The following MTDH variants were observed in gnomAD, a reference collection of about 807,000 sequenced individuals.
The protein encoded by MTDH is metadherin, also known as protein LYRIC.
Under a neutral mutation model 72.7 loss-of-function variants are expected in MTDH, and 34 were observed. The ratio of observed to expected loss-of-function variants is 0.47; its 90% CI spans 0.36 to 0.62. The LOEUF is 0.62. Ranked by LOEUF, MTDH falls within the 20% of genes least tolerant of loss-of-function variation. The pLI is 0.00. For missense variants in MTDH, 677 were observed against 699.4 expected (o/e 0.97, Z 0.36); for synonymous variants, 266 against 268.9 (o/e 0.99, Z 0.10).
rs866588491 is a variant in MTDH, at chr8:97,693,258, A to C, written c.1048+2070A>C. Among the ~76,000 whole-genome samples, 7 of 152,250 alleles carry C rather than the reference A, an allele frequency of 4.6e-5. 1 individual carries two copies. Among genetic ancestry groups the C allele is most frequent in the African/African-American group, 1.2e-4 (5 of 41,538 alleles). On this transcript the variant is annotated intron_variant, in intron 6 of 11. Transcript: ENST00000336273. ...AATTCGATAAGCAAAAAGTACGTAA[A>C]TTATTTTGGTTAACTTTTTGAAATC...
rs1815335345 is a variant in MTDH, at chr8:97,725,982, T to C, written c.*1312T>C. 1.3e-5 allele frequency: 2 copies of C among 152,684 alleles called. No individual in the cohort carries two copies. Among genetic ancestry groups the C allele is most frequent in the South Asian group, 4.1e-4 (2 of 4,836 alleles). 9.5% of individuals were successfully genotyped at this position (152,684 alleles called of 1,614,324 possible). A position where few individuals can be genotyped will look rare whatever the true frequency, so the allele number is the denominator to read the frequency against. ...GAAAAAAAAGCCATGATTTATTCGATGTGATTGGCTTGTTTTTATGTGGCG... is the reference window on the plus strand; with the variant it reads ...GAAAAAAAAGCCATGATTTATTCGACGTGATTGGCTTGTTTTTATGTGGCG... On this transcript the variant is annotated 3_prime_UTR_variant, in exon 12 of 12. Transcript: ENST00000336273.
intron 5 of MTDH, among the ~76,000 whole-genome samples, 169 bp downstream of exon 5, chr8:97,689,272 A>G (rs544746042): frequency 1.1e-4 from 16 of 152,284 alleles, no homozygotes; most frequent in African/African-American, 3.6e-4. Flanking sequence ...AAATAAATAA[A>G]AAGAAAAATC....
chr8:97,662,029 T>C (rs1038284347), intron 2 of MTDH, among the ~76,000 whole-genome samples: 3 of 152,180 alleles, frequency 2.0e-5, no homozygotes, highest in African/African-American at 7.2e-5. Flanking sequence ...CCTGAGATTT[T>C]ATTAATTTTC....
At chr8:97,689,428 A>G (rs1263957985) in intron 5 of MTDH, among the ~76,000 whole-genome samples, 1 of 151,782 alleles carries the variant, frequency 6.6e-6, no homozygotes, top group Non-Finnish European at 1.5e-5. Flanking sequence ...GGTTTAATAT[A>G]GCATATATCG....
intron 1 of MTDH, among the ~76,000 whole-genome samples, chr8:97,654,543 C>T (rs899405405): frequency 6.6e-6 from 1 of 151,352 alleles, no homozygotes; most frequent in African/African-American, 2.4e-5. Context: ...TTCCTAATTT[C>T]TTGCCTTTAT....
At chr8:97,669,721 A>G (rs1812535260) in intron 2 of MTDH, among the ~76,000 whole-genome samples, 2 of 151,752 alleles carry the variant, frequency 1.3e-5, no homozygotes, top group Non-Finnish European at 2.9e-5. Context: ...GTTCGAGACC[A>G]GCCTGGCCAA....
chr8:97,686,725 C>T lies in MTDH; in HGVS notation c.541C>T (p.Arg181Cys), dbSNP rs374847603. 27 of 1,592,694 alleles carry T rather than the reference C, an allele frequency of 1.7e-5. No homozygotes were observed. Among genetic ancestry groups the T allele is most frequent in the African/African-American group, 2.7e-5 (2 of 74,076 alleles). Residue 181 changes from arginine (R) to cysteine (C), a missense_variant, in exon 3 of 12, where the codon CGC becomes TGC. Arg to Cys is a radical substitution (Grantham distance 180). Around this residue, in one of 3 missense-constraint regions of MTDH, gnomAD observed 467 missense variants for 469.1 expected, o/e 1.00. Transcript: ENST00000336273. ...SDAKAVQNSS[R>C]HDGKEVDEGA... ...TGCTAAAGCAGTGCAAAACAGTTCA[C>T]GCCATGATGGAAAGGAAGTTGATGA...
chr8:97,666,144 AAAG>A (rs1482322138), intron 2 of MTDH, among the ~76,000 whole-genome samples: 15 of 152,070 alleles, frequency 9.9e-5, no homozygotes, highest in African/African-American at 3.4e-4. Context: ...AAAAAAAAAA[AAAG>A]ATCTGAATTA....
Position 97,691,169 on chromosome 8 carries a change from T to C in MTDH, c.1029T>C (p.Arg343=). ...ACTGGGGAAGGAGTTGGAGTGACCG[T>C]TCAATATTTTCTGGCATTGGTAAGA... ...GKDWGRSWSD[R]SIFSGIGSTA... is the part of the protein sequence containing the mutation. The change falls in exon 6 of 12, where the codon CGT becomes CGC. Residue 343 remains arginine (R), a synonymous_variant. Coordinates refer to ENST00000336273, the MANE Select transcript of MTDH (RefSeq NM_178812.4). 1 of 1,603,856 alleles carries C rather than the reference T, an allele frequency of 6.2e-7. No homozygotes were observed. The highest frequency in any genetic ancestry group is 8.5e-7 in the Non-Finnish European group (1 of 1,174,540).
chr8:97,654,595 G>C (rs1811895320), intron 1 of MTDH, among the ~76,000 whole-genome samples: 1 of 150,252 alleles, frequency 6.7e-6, no homozygotes, highest in South Asian at 2.1e-4. Flanking sequence ...TGGGATACAT[G>C]TGCGGAATGT....
chr8:97,697,981 G>A (rs1711824577), intron 6 of MTDH, among the ~76,000 whole-genome samples: 1 of 152,054 alleles, frequency 6.6e-6, no homozygotes, highest in Non-Finnish European at 1.5e-5. Context: ...GAATTTTATA[G>A]GGTTACTCTG....
At chr8:97,655,328 T>G (rs891479317) in intron 1 of MTDH, among the ~76,000 whole-genome samples, 1 of 152,228 alleles carries the variant, frequency 6.6e-6, no homozygotes, top group African/African-American at 2.4e-5. Context: ...TTCAAGGTGT[T>G]AAGAGTTCTG....
At chr8:97,677,180 CAA>C (rs71271142) in intron 2 of MTDH, among the ~76,000 whole-genome samples, 75 of 44,098 alleles carry the variant, frequency 1.7e-3, no homozygotes, top group African/African-American at 7.7e-3. Context: ...AAGCCTGTCT[CAA>C]AAAAAAAAAA....
At chr8:97,673,915 C>G (rs560642242) in intron 2 of MTDH, among the ~76,000 whole-genome samples, 5 of 151,956 alleles carry the variant, frequency 3.3e-5, no homozygotes, top group African/African-American at 1.2e-4. Flanking sequence ...GCGGAGGTTG[C>G]AGTGAACCAA....
At chr8:97,722,771 C>A in intron 10 of MTDH, 108 bp from the exon 11 acceptor site, 1 of 1,090,264 alleles carries the variant, frequency 9.2e-7, no homozygotes, top group Non-Finnish European at 1.3e-6. Context: ...ATCTGGAAAC[C>A]ATATTAGTAT....
chr8:97,660,883 TTA>T (rs371936849), intron 1 of MTDH, among the ~76,000 whole-genome samples, 187 bp from the exon 2 acceptor site: 40 of 128,118 alleles, frequency 3.1e-4, no homozygotes, highest in Admixed American at 7.4e-4. Flanking sequence ...CTTATGAATT[TTA>T]TATATATATA....
At chr8:97,683,422 G>T (rs1343895872) in intron 2 of MTDH, among the ~76,000 whole-genome samples, 1 of 151,588 alleles carries the variant, frequency 6.6e-6, no homozygotes, top group Non-Finnish European at 1.5e-5. Context: ...TTGAGACAGG[G>T]TCTCACCCCG....
At chr8:97,660,141 A>G (rs1052034792) in intron 1 of MTDH, among the ~76,000 whole-genome samples, 1 of 152,202 alleles carries the variant, frequency 6.6e-6, no homozygotes, top group Non-Finnish European at 1.5e-5. Flanking sequence ...CCTGGGCAAC[A>G]AGAGCGAAAC....
At position 97,644,652 on chromosome 8, in the gene MTDH, G is replaced by C; in HGVS notation, c.146G>C (p.Gly49Ala). ...GGGCTGGAGCCGAAACGGTACCCCG[G>C]CTGGGTGATCCTGGTGGGCACTGGC... is the stretch of plus-strand genomic sequence containing the variant. ...DLGLEPKRYP[G>A]WVILVGTGAL... The change falls in exon 1 of 12, where the codon GGC becomes GCC. Residue 49 changes from glycine to alanine, a missense_variant. By Grantham distance (60) the Gly-to-Ala change is moderately conservative. This residue lies in a region of MTDH where 467 missense variants were observed against 469.1 expected (regional missense o/e 1.00). Transcript: ENST00000336273. 6.2e-7 allele frequency: 1 copy of C among 1,609,752 alleles called. No individual in the cohort carries two copies. Among genetic ancestry groups the C allele is most frequent in the Non-Finnish European group, 8.5e-7 (1 of 1,179,014 alleles).
Sources: gnomAD v4.1 joint callset for allele counts (sites outside exome capture counted in the v4.1 genomes callset) on GRCh38, gnomAD v4.1.1 for gene constraint, gnomAD v4.1.1 regional missense constraint, MANE v1.5 for transcripts, NCBI Gene and HGNC (gene_info 2026-07-23, HGNC 2026-07-21) for gene names.